The following GRIA2 variants were observed in gnomAD, a reference collection of about 807,000 sequenced individuals.
GRIA2 encodes glutamate receptor 2.
Under a neutral mutation model 97.3 loss-of-function variants are expected in GRIA2, and 14 were observed. That is an observed-to-expected ratio of 0.14 (90% confidence interval 0.10 to 0.23). The LOEUF (loss-of-function observed/expected upper bound fraction) is 0.23. GRIA2 is among the 10% of genes least tolerant of loss of function. The probability of loss-of-function intolerance (pLI) is 1.00; values close to 1 mark genes in which losing one functional copy is unlikely to be tolerated. For missense variants in GRIA2, 558 were observed against 1,069.8 expected, an observed-to-expected ratio of 0.52 and a Z score of 6.67; for synonymous variants, 412 against 387.8, an observed-to-expected ratio of 1.06 and a Z score of -0.73.
chr4:157,275,106 CTCTG>C (rs1732229076), intron 2 of GRIA2, among the ~76,000 whole-genome samples: 2 of 152,098 alleles, frequency 1.3e-5, no homozygotes, highest in Non-Finnish European at 2.9e-5. Flanking sequence ...ATTTGCATTT[CTCTG>C]ATGGCCAGTG....
chr4:157,317,540 C>T, intron 4 of GRIA2, 118 bp from the exon 5 acceptor site: 1 of 432,670 alleles, frequency 2.3e-6, no homozygotes. Flanking sequence ...TATTTTGGCA[C>T]ATCAACAAAC....
rs13143499 is a variant in GRIA2, at chr4:157,269,822, C to T, written c.230-33730C>T. On this transcript the variant is annotated intron_variant, in intron 2 of 15. Transcript: ENST00000264426. ...TACTTATTTTAAAATGATTTTTATT[C>T]GGTATCTACAGCCTTTATCTGTTTA... is the stretch of plus-strand genomic sequence containing the variant. Among the ~76,000 whole-genome samples, 1,396 of 151,978 alleles carry T rather than the reference C, an allele frequency of 9.2e-3. 12 individuals carry two copies. The highest frequency in any genetic ancestry group is 0.015 in the Non-Finnish European group (1,019 of 67,954).
chr4:157,276,612 A>G (rs1287102527), intron 2 of GRIA2, among the ~76,000 whole-genome samples: 3 of 151,858 alleles, frequency 2.0e-5, no homozygotes, highest in African/African-American at 7.2e-5. Flanking sequence ...TTAATTTTTT[A>G]AAGATCAGTA....
intron 2 of GRIA2, among the ~76,000 whole-genome samples, chr4:157,289,340 GTGCCCCCAAA>G (rs1339731815): frequency 1.3e-5 from 2 of 151,854 alleles, no homozygotes; most frequent in Non-Finnish European, 2.9e-5. Context: ...GAGTGCATCA[GTGCCCCCAAA>G]TGTTACATTT....
rs1422805485 is a variant in GRIA2, at chr4:157,365,249, A to C, written c.*1818A>C. Reference sequence around the variant, plus strand: ...TCACTAAATTTAGCTGTCCCTAATCACAGATCCTAAGGTAATATAATATAA... The same window carrying C: ...TCACTAAATTTAGCTGTCCCTAATCCCAGATCCTAAGGTAATATAATATAA... On this transcript the variant is annotated 3_prime_UTR_variant, in exon 16 of 16. Coordinates refer to ENST00000264426, the MANE Select transcript of GRIA2 (RefSeq NM_001083619.3). The C allele has an allele frequency of 2.6e-5, 4 of 151,800 alleles. No individual in the cohort carries two copies. The highest frequency in any genetic ancestry group is 5.9e-5 in the Non-Finnish European group (4 of 67,682). 9.4% of individuals were successfully genotyped at this position (151,800 alleles called of 1,614,324 possible). A position where few individuals can be genotyped will look rare whatever the true frequency, so the allele number is the denominator to read the frequency against.
chr4:157,291,322 T>A (rs1188178128), intron 2 of GRIA2, among the ~76,000 whole-genome samples: 4 of 152,002 alleles, frequency 2.6e-5, no homozygotes, highest in Non-Finnish European at 5.9e-5. Flanking sequence ...TGCTTTGCTA[T>A]TTTTTTATTT....
At chr4:157,352,417 GT>G (rs1437458247) in intron 12 of GRIA2, among the ~76,000 whole-genome samples, 2 of 151,966 alleles carry the variant, frequency 1.3e-5, no homozygotes, top group African/African-American at 2.4e-5. Context: ...ACCATAAACT[GT>G]TAAAAATACT....
intron 2 of GRIA2, among the ~76,000 whole-genome samples, chr4:157,269,485 A>C (rs1731919633): frequency 1.3e-5 from 2 of 152,104 alleles, no homozygotes; most frequent in African/African-American, 4.8e-5. Flanking sequence ...CTGAAAGCTT[A>C]GGTAGGTAAC....
At chr4:157,296,845 A>G (rs890341930) in intron 2 of GRIA2, among the ~76,000 whole-genome samples, 3 of 152,190 alleles carry the variant, frequency 2.0e-5, no homozygotes, top group African/African-American at 7.2e-5. Flanking sequence ...ACAGGCATTC[A>G]TAGGTAAATG....
intron 12 of GRIA2, among the ~76,000 whole-genome samples, chr4:157,346,327 C>T (rs1245902892): frequency 6.6e-6 from 1 of 152,076 alleles, no homozygotes; most frequent in Non-Finnish European, 1.5e-5. Flanking sequence ...AATAATACAG[C>T]ATGATTTCTT....
intron 2 of GRIA2, among the ~76,000 whole-genome samples, chr4:157,266,308 G>C (rs937955635): frequency 1.3e-5 from 2 of 152,094 alleles, no homozygotes; most frequent in Non-Finnish European, 2.9e-5. Flanking sequence ...AGTACCTAAA[G>C]TGAAAATGTG....
At chr4:157,263,366 G>C (rs1731631731) in intron 2 of GRIA2, among the ~76,000 whole-genome samples, 1 of 151,716 alleles carries the variant, frequency 6.6e-6, no homozygotes, top group Non-Finnish European at 1.5e-5. Flanking sequence ...AATAACTTTT[G>C]GTTGTATTCA....
In GRIA2 at chr4:157,361,507, T is replaced by TC; in HGVS notation, c.2406+383_2406+384insC. The TC allele has an allele frequency of 1.6e-5, 21 of 1,330,764 alleles. No individual in the cohort carries two copies. Among genetic ancestry groups the TC allele is most frequent in the Non-Finnish European group, 2.1e-5 (19 of 922,536 alleles). The allele number at this position is 1,330,764 out of a possible 1,614,324, so 82.4% of individuals were successfully genotyped here. A position where few individuals can be genotyped will look rare whatever the true frequency, so the allele number is the denominator to read the frequency against. ...AATGAATAACATAAAATAACATTGATAATGTTATTTATGTTATTTTCCACG... is the reference window on the plus strand; with the variant it reads ...AATGAATAACATAAAATAACATTGATCAATGTTATTTATGTTATTTTCCACG... On this transcript the variant is annotated intron_variant, in intron 14 of 15. Coordinates refer to ENST00000264426, the MANE Select transcript of GRIA2 (RefSeq NM_001083619.3). The surrounding 1 kb of genome is among the most constrained non-coding windows in gnomAD (Gnocchi z 5.2).
At chr4:157,355,435 G>A (rs1736208551) in intron 12 of GRIA2, among the ~76,000 whole-genome samples, 1 of 151,256 alleles carries the variant, frequency 6.6e-6, no homozygotes, top group Non-Finnish European at 1.5e-5. Flanking sequence ...GGCTGAGGCA[G>A]GAGAATTGCT....
chr4:157,285,233 C>T (rs1159157457), intron 2 of GRIA2, among the ~76,000 whole-genome samples: 8 of 151,458 alleles, frequency 5.3e-5, no homozygotes, highest in Non-Finnish European at 8.9e-5. Flanking sequence ...TGTCTCATGT[C>T]ATTCTTAATT....
intron 2 of GRIA2, among the ~76,000 whole-genome samples, chr4:157,224,601 A>G (rs1395475045): frequency 6.6e-6 from 1 of 152,138 alleles, no homozygotes; most frequent in African/African-American, 2.4e-5. Flanking sequence ...TTGAGACAGA[A>G]TGAGAGAGAG....
intron 2 of GRIA2, among the ~76,000 whole-genome samples, chr4:157,241,563 A>G (rs1286680661): frequency 6.6e-6 from 1 of 152,086 alleles, no homozygotes; most frequent in African/African-American, 2.4e-5. Flanking sequence ...TGTAACATAG[A>G]CAAAAAAGAT....
At chr4:157,310,535 T>C (rs1560759686) in intron 3 of GRIA2, among the ~76,000 whole-genome samples, 1 of 152,050 alleles carries the variant, frequency 6.6e-6, no homozygotes, top group African/African-American at 2.4e-5. Context: ...TCTCTTTTTT[T>C]CCCTGCAATT....
chr4:157,288,492 T>C (rs187148728), intron 2 of GRIA2, among the ~76,000 whole-genome samples: 2 of 151,896 alleles, frequency 1.3e-5, no homozygotes, highest in Non-Finnish European at 2.9e-5. Context: ...CCTAAAAATG[T>C]TAAGCTAATT....
Sources: gnomAD v4.1 joint callset for allele counts (sites outside exome capture counted in the v4.1 genomes callset) on GRCh38, gnomAD v4.1.1 for gene constraint, Gnocchi (gnomAD v3.1) non-coding constraint, MANE v1.5 for transcripts, NCBI Gene and HGNC (gene_info 2026-07-23, HGNC 2026-07-21) for gene names.